Variants in MTUS2 observed in about 807,000 individuals in gnomAD.
MTUS2 encodes the protein microtubule associated scaffold protein 2.
MTUS2 carries 40 observed loss-of-function variants against 114.1 expected under a neutral mutation model. The observed-to-expected ratio is 0.35, with a 90% CI of 0.27 to 0.46. The LOEUF (loss-of-function observed/expected upper bound fraction) is 0.46, where lower values mean the gene tolerates loss of function less well. Ranked by LOEUF, MTUS2 falls within the 20% of genes least tolerant of loss-of-function variation. The probability of loss-of-function intolerance (pLI) is 1.00; values close to 1 mark genes in which losing one functional copy is unlikely to be tolerated. For synonymous variants in MTUS2, 688 were observed against 672.0 expected, an observed-to-expected ratio of 1.02 and a Z score of -0.37; for missense variants, 1,679 against 1,705.4, an observed-to-expected ratio of 0.98 and a Z score of 0.27.
intron 3 of MTUS2, among the ~76,000 whole-genome samples, chr13:29,031,237 G>GGGGTGTGTGTGTGT (rs144071821): frequency 1.5e-4 from 19 of 122,964 alleles, no homozygotes; most frequent in Admixed American, 2.5e-4. Context: ...AGAACTAATA[G>GGGGTGTGTGTGTGT]GTGTGTGTGT....
chr13:29,217,808 C>CT (rs1895741211), intron 5 of MTUS2, among the ~76,000 whole-genome samples: 1 of 152,124 alleles, frequency 6.6e-6, no homozygotes, highest in South Asian at 2.1e-4. Context: ...ATTTTAAATT[C>CT]TTTTTTGTCA....
intron 5 of MTUS2, among the ~76,000 whole-genome samples, chr13:29,192,727 A>G (rs1013804808): frequency 2.6e-5 from 4 of 152,204 alleles, no homozygotes; most frequent in African/African-American, 9.6e-5. Context: ...AAAAAGAAAT[A>G]TGTTTGTTAA....
intron 6 of MTUS2, among the ~76,000 whole-genome samples, chr13:29,285,640 G>C (rs1230112249): frequency 1.3e-5 from 2 of 152,170 alleles, no homozygotes. Context: ...AGCAAACCTA[G>C]ACTCTGGGAA....
chr13:29,452,810 C>T (rs1348391395), intron 9 of MTUS2, among the ~76,000 whole-genome samples: 1 of 152,014 alleles, frequency 6.6e-6, no homozygotes, highest in African/African-American at 2.4e-5. Flanking sequence ...TAGAATAGCT[C>T]CAATACCAAG....
intron 5 of MTUS2, among the ~76,000 whole-genome samples, chr13:29,185,114 C>G (rs1894167510): frequency 1.3e-5 from 2 of 151,818 alleles, no homozygotes; most frequent in African/African-American, 2.4e-5. Flanking sequence ...AATAGAAAAT[C>G]TAGAGTTGAA....
At chr13:29,212,788 A>T (rs1895502176) in intron 5 of MTUS2, among the ~76,000 whole-genome samples, 1 of 152,258 alleles carries the variant, frequency 6.6e-6, no homozygotes, top group Admixed American at 6.5e-5. Context: ...CACCCTATTG[A>T]TACCTGGATG....
At chr13:29,402,986 C>T (rs752363028) in intron 8 of MTUS2, among the ~76,000 whole-genome samples, 12 of 152,274 alleles carry the variant, frequency 7.9e-5, no homozygotes, top group Admixed American at 6.5e-5. Context: ...CTGCCTGCCT[C>T]GGCCTCCCAA....
intron 4 of MTUS2, among the ~76,000 whole-genome samples, chr13:29,045,881 T>C (rs1887590912): frequency 6.6e-6 from 1 of 152,126 alleles, no homozygotes; most frequent in African/African-American, 2.4e-5. Flanking sequence ...AGGAACTATA[T>C]TTTCTGTAAT....
At chr13:29,346,076 G>T (rs1593329946) in intron 7 of MTUS2, among the ~76,000 whole-genome samples, 2 of 152,192 alleles carry the variant, frequency 1.3e-5, no homozygotes, top group Non-Finnish European at 2.9e-5. Flanking sequence ...GAGTGAAATG[G>T]ACTCAGAGAG....
At chr13:28,918,540 C>T (rs1221768869) in intron 2 of MTUS2, among the ~76,000 whole-genome samples, 2 of 151,574 alleles carry the variant, frequency 1.3e-5, no homozygotes, top group Non-Finnish European at 3.0e-5. Context: ...TATTTATTTT[C>T]ACTCTGTGTG....
chr13:29,491,819 G>GGTGT lies in MTUS2; in HGVS notation c.3506-817_3506-814dup, dbSNP rs151170147. Among the ~76,000 whole-genome samples the GGTGT allele has an allele frequency of 2.3e-4, 32 of 142,182 alleles. 1 individual carries two copies. Among genetic ancestry groups the GGTGT allele is most frequent in the Non-Finnish European group, 3.0e-4 (20 of 65,706 alleles). 93.3% of individuals were successfully genotyped at this position (142,182 alleles called of 152,430 possible). A position where few individuals can be genotyped will look rare whatever the true frequency, so the allele number is the denominator to read the frequency against. Reference sequence around the variant, plus strand: ...TAGCGTATGTGATGTGTGTGGGGTAGGTGTGTGTGTGTGGTAGGTGTGTGT... The same window carrying GGTGT: ...TAGCGTATGTGATGTGTGTGGGGTAGGTGTGTGTGTGTGTGTGGTAGGTGTGTGT... On this transcript the variant is annotated intron_variant, in intron 11 of 15. Transcript: ENST00000612955.
At chr13:29,229,005 T>C (rs1896219908) in intron 5 of MTUS2, among the ~76,000 whole-genome samples, 1 of 152,152 alleles carries the variant, frequency 6.6e-6, no homozygotes, top group South Asian at 2.1e-4. Context: ...TGCCTCCGGC[T>C]GCTAGCATGC....
At chr13:28,996,873 G>A (rs1363403160) in intron 2 of MTUS2, among the ~76,000 whole-genome samples, 10 of 151,982 alleles carry the variant, frequency 6.6e-5, no homozygotes, top group Non-Finnish European at 1.3e-4. Context: ...TGATTTTTTT[G>A]AAGGGATTTT....
At chr13:28,921,257 G>A (rs1233453197) in intron 2 of MTUS2, among the ~76,000 whole-genome samples, 1 of 152,238 alleles carries the variant, frequency 6.6e-6, no homozygotes, top group East Asian at 1.9e-4. Context: ...ATCAGCAGGT[G>A]ATGAACCTGC....
chr13:28,847,869 G>A (rs1566174573), intron 2 of MTUS2, among the ~76,000 whole-genome samples: 1 of 152,122 alleles, frequency 6.6e-6, no homozygotes, highest in Non-Finnish European at 1.5e-5. Flanking sequence ...GTTATGCAAA[G>A]CTCAGACTTG....
At chr13:28,983,428 A>C (rs1221172053) in intron 2 of MTUS2, among the ~76,000 whole-genome samples, 1 of 152,216 alleles carries the variant, frequency 6.6e-6, no homozygotes, top group Non-Finnish European at 1.5e-5. Flanking sequence ...TAAGATGCAC[A>C]CTGGATTCTG....
At chr13:29,090,756 C>T (rs527985430) in intron 4 of MTUS2, among the ~76,000 whole-genome samples, 1 of 152,334 alleles carries the variant, frequency 6.6e-6, no homozygotes, top group South Asian at 2.1e-4. Flanking sequence ...GGTCTGGTAG[C>T]TAATGAAGGC....
At chr13:29,143,532 A>G (rs1052995254) in intron 5 of MTUS2, among the ~76,000 whole-genome samples, 2 of 152,238 alleles carry the variant, frequency 1.3e-5, no homozygotes, top group Admixed American at 1.3e-4. Context: ...ATCCAAAAGT[A>G]TGAATATGAT....
chr13:29,389,271 A>ATATATGTATACACATATGTGTGTATATG (rs1872869291), intron 8 of MTUS2, among the ~76,000 whole-genome samples: 59 of 98,314 alleles, frequency 6.0e-4, no homozygotes, highest in East Asian at 2.3e-3. Flanking sequence ...GTGTGTATAT[A>ATATATGTATACACATATGTGTGTATATG]TGTATATATG....
Sources: gnomAD v4.1 joint callset for allele counts (sites outside exome capture counted in the v4.1 genomes callset) on GRCh38, gnomAD v4.1.1 for gene constraint, MANE v1.5 for transcripts, NCBI Gene and HGNC (gene_info 2026-07-23, HGNC 2026-07-21) for gene names.